The following PTPRD variants were observed in gnomAD, a reference collection of about 807,000 sequenced individuals.
PTPRD encodes protein tyrosine phosphatase receptor type D, also known as receptor-type tyrosine-protein phosphatase delta.
A neutral mutation model predicts 214.5 loss-of-function variants in PTPRD; 34 were observed. The observed-to-expected ratio is 0.16, with a 90% CI of 0.12 to 0.21. The LOEUF is 0.21. PTPRD is among the 10% of genes least tolerant of loss of function. PTPRD has a pLI of 1.00. For missense variants in PTPRD, 2,545 were observed against 2,398.7 expected (o/e 1.06, Z -1.27); for synonymous variants, 1,128 against 845.7 (o/e 1.33, Z -5.79).
At chr9:9,973,916 T>A (rs1486603756) in intron 4 of PTPRD, among the ~76,000 whole-genome samples, 2 of 152,176 alleles carry the variant, frequency 1.3e-5, no homozygotes, top group African/African-American at 4.8e-5. Context: ...TGAGAGGTGA[T>A]CACAAGCTTT....
chr9:9,724,276 T>C (rs2098032704), intron 7 of PTPRD, among the ~76,000 whole-genome samples: 1 of 152,162 alleles, frequency 6.6e-6, no homozygotes, highest in African/African-American at 2.4e-5. Context: ...ATATCTTTTA[T>C]CTTAGGTCAA....
intron 4 of PTPRD, among the ~76,000 whole-genome samples, chr9:9,975,499 C>CTAGCA (rs1461306758): frequency 1.3e-5 from 2 of 152,224 alleles, no homozygotes; most frequent in Non-Finnish European, 2.9e-5. Context: ...GGACCTAGGA[C>CTAGCA]TAGCAGCACT....
At chr9:10,095,844 C>T (rs1033322845) in intron 3 of PTPRD, among the ~76,000 whole-genome samples, 10 of 151,392 alleles carry the variant, frequency 6.6e-5, no homozygotes, top group Non-Finnish European at 7.4e-5. Flanking sequence ...CTCTATCTAC[C>T]CAGACCTCTG....
chr9:10,145,521 G>A (rs953298495), intron 3 of PTPRD, among the ~76,000 whole-genome samples: 4 of 152,066 alleles, frequency 2.6e-5, no homozygotes, highest in Admixed American at 6.6e-5. Flanking sequence ...TACTTTATTG[G>A]AAGAATACAG....
At chr9:9,253,710 G>C (rs2099976431) in intron 9 of PTPRD, among the ~76,000 whole-genome samples, 1 of 151,984 alleles carries the variant, frequency 6.6e-6, no homozygotes, top group Non-Finnish European at 1.5e-5. Context: ...CTTTCCTTTG[G>C]GTGAAATATT....
intron 11 of PTPRD, among the ~76,000 whole-genome samples, chr9:8,774,187 A>G (rs1230344111): frequency 6.6e-6 from 1 of 152,200 alleles, no homozygotes; most frequent in Non-Finnish European, 1.5e-5. Context: ...GGATAAATAT[A>G]TCTTAACTGG....
In PTPRD at chr9:9,099,224, T is replaced by G. The variant is rs181409626; in HGVS notation, c.-142-80489A>C. Among the ~76,000 whole-genome samples, 296 of 152,302 alleles carry G rather than the reference T, an allele frequency of 1.9e-3. 1 individual carries two copies. The highest frequency in any genetic ancestry group is 6.9e-3 in the African/African-American group (285 of 41,576). On this transcript the variant is annotated intron_variant, in intron 10 of 45. Coordinates refer to ENST00000381196, the MANE Select transcript of PTPRD (RefSeq NM_002839.4). ...TGGGAGAGGTAAAAAGCAATCCACG[T>G]AGATTAAAACTATGTTGGTGATATT...
intron 12 of PTPRD, among the ~76,000 whole-genome samples, chr9:8,704,592 C>A (rs976107529): frequency 6.6e-6 from 1 of 152,062 alleles, no homozygotes; most frequent in African/African-American, 2.4e-5. Context: ...GTTGTCTGTA[C>A]ACTATCAAAG....
chr9:10,429,231 G>C (rs1335477667), intron 2 of PTPRD, among the ~76,000 whole-genome samples: 1 of 151,876 alleles, frequency 6.6e-6, no homozygotes, highest in African/African-American at 2.4e-5. Context: ...TACACTGTTG[G>C]TAGGAATGTA....
At position 8,798,978 on chromosome 9, in the gene PTPRD, G is replaced by T. The variant is rs1328275791; in HGVS notation, c.-103-65032C>A. Among the ~76,000 whole-genome samples the T allele has an allele frequency of 3.3e-5, 5 of 151,820 alleles. No individual in the cohort carries two copies. In the South Asian group the frequency reaches 1.0e-3, roughly 32 times the overall value. On this transcript the variant is annotated intron_variant, in intron 11 of 45. Coordinates refer to ENST00000381196, the MANE Select transcript of PTPRD (RefSeq NM_002839.4). ...TAAGCCCAGCCTGCTTTCCTTACAG[G>T]GTTATTATAAGGATTAATACAAAGA...
At chr9:10,016,051 TC>T (rs1207192748) in intron 4 of PTPRD, among the ~76,000 whole-genome samples, 3 of 152,132 alleles carry the variant, frequency 2.0e-5, no homozygotes, top group African/African-American at 7.2e-5. Flanking sequence ...CTCCTATTGG[TC>T]TTTGTCCCTC....
chr9:8,688,574 A>G (rs947950859), intron 12 of PTPRD, among the ~76,000 whole-genome samples: 1 of 151,418 alleles, frequency 6.6e-6, no homozygotes, highest in African/African-American at 2.4e-5. Context: ...CAAAAAAAAA[A>G]AAAAAGAAAA....
chr9:8,580,684 T>C (rs887091085), intron 14 of PTPRD, among the ~76,000 whole-genome samples: 2 of 152,150 alleles, frequency 1.3e-5, no homozygotes, highest in Non-Finnish European at 2.9e-5. Context: ...ATTATTGGAA[T>C]AGCTAATTGG....
rs894050044 is a variant in PTPRD, at chr9:8,563,233, G to A, written c.353-34454C>T. ...GTTTGCCTGGGAAGCGTATTGGTGAGGCTACAGTACAGACAGCCAAGATGG... is the reference window on the plus strand; with the variant it reads ...GTTTGCCTGGGAAGCGTATTGGTGAAGCTACAGTACAGACAGCCAAGATGG... On this transcript the variant is annotated intron_variant, in intron 14 of 45. Transcript: ENST00000381196. 2.0e-5 allele frequency among the ~76,000 whole-genome samples: 3 copies of A among 152,092 alleles called. No individual in the cohort carries two copies. The South Asian group carries it at 6.2e-4, about 32-fold the overall frequency.
At chr9:9,327,309 G>A (rs2039417) in intron 9 of PTPRD, among the ~76,000 whole-genome samples, 112,507 of 152,054 alleles carry the variant, frequency 0.74, 41,859 homozygotes, top group East Asian at 0.91. Context: ...GTTCTAGTCT[G>A]TTTTTCTTGA....
chr9:8,779,460 G>A (rs1055364783), intron 11 of PTPRD, among the ~76,000 whole-genome samples: 1 of 152,084 alleles, frequency 6.6e-6, no homozygotes, highest in Non-Finnish European at 1.5e-5. Context: ...TCGTCCCGGG[G>A]TTGGGTTTCC....
rs532207442 is a variant in PTPRD, at chr9:9,894,314, C to G, written c.-368+44193G>C. 7.9e-5 allele frequency among the ~76,000 whole-genome samples: 12 copies of G among 152,122 alleles called. No homozygotes were observed. The South Asian group carries it at 2.5e-3, about 32-fold the overall frequency. On this transcript the variant is annotated intron_variant, in intron 5 of 45. Coordinates refer to ENST00000381196, the MANE Select transcript of PTPRD (RefSeq NM_002839.4). The stretch of plus-strand genomic sequence containing the variant: ...TATAGTATCTCCTCATACTTAAAAC[C>G]TTTTCACCTGTGCATTAAGAACAAC...
intron 5 of PTPRD, among the ~76,000 whole-genome samples, chr9:9,913,193 G>A (rs1478022659): frequency 6.6e-6 from 1 of 152,082 alleles, no homozygotes; most frequent in African/African-American, 2.4e-5. Context: ...AGAAAAGTAT[G>A]TTATGCATAG....
chr9:9,666,632 A>G (rs1043587643), intron 7 of PTPRD, among the ~76,000 whole-genome samples: 5 of 151,978 alleles, frequency 3.3e-5, no homozygotes. Context: ...GTATCGATTC[A>G]ATCTCTATGT....
Sources: allele counts gnomAD v4.1 joint callset (sites outside exome capture counted in the v4.1 genomes callset), GRCh38; gene constraint gnomAD v4.1.1; transcripts MANE v1.5; gene names NCBI Gene and HGNC (gene_info 2026-07-23, HGNC 2026-07-21).